The following TRAPPC8 variants were observed in gnomAD, a reference collection of about 807,000 sequenced individuals.
TRAPPC8 encodes the protein general sporulation gene 1 homolog.
Under a neutral mutation model 174.3 loss-of-function variants are expected in TRAPPC8, and 54 were observed. The ratio of observed to expected loss-of-function variants is 0.31; its 90% confidence interval spans 0.25 to 0.39. The LOEUF (loss-of-function observed/expected upper bound fraction) is 0.39. TRAPPC8 is among the 10% of genes least tolerant of loss of function. TRAPPC8 has a pLI of 1.00. For missense variants in TRAPPC8, 1,531 were observed against 1,699.1 expected (o/e 0.90, Z 1.74); for synonymous variants, 630 against 579.9 (o/e 1.09, Z -1.24).
intron 5 of TRAPPC8, among the ~76,000 whole-genome samples, chr18:31,910,229 A>G (rs889967588): frequency 1.4e-4 from 21 of 152,102 alleles, no homozygotes; most frequent in Non-Finnish European, 2.8e-4. Context: ...GTTTTAGAAA[A>G]ATATCTAACG....
chr18:31,855,640 T>C lies in TRAPPC8; in HGVS notation c.3336+20A>G. Reference sequence around the variant, plus strand: ...CTTCAAATATAATTAAAAACAAAATTCAGTTTTAAACCAACTTACAGTATT... The same window carrying C: ...CTTCAAATATAATTAAAAACAAAATCCAGTTTTAAACCAACTTACAGTATT... On this transcript the variant is annotated intron_variant, in intron 21 of 28. Coordinates refer to ENST00000283351, the MANE Select transcript of TRAPPC8 (RefSeq NM_014939.5). The C allele has an allele frequency of 6.4e-7, 1 of 1,573,740 alleles. No homozygotes were observed. The highest frequency in any genetic ancestry group is 1.2e-5 in the South Asian group (1 of 84,244).
intron 2 of TRAPPC8, among the ~76,000 whole-genome samples, chr18:31,923,270 CAA>C (rs1224147838): frequency 6.6e-6 from 1 of 152,020 alleles, no homozygotes; most frequent in African/African-American, 2.4e-5. Context: ...GGGAAAAATA[CAA>C]AACAGTACCT....
At chr18:31,885,955 T>C (rs1598671276) in intron 12 of TRAPPC8, among the ~76,000 whole-genome samples, 1 of 151,888 alleles carries the variant, frequency 6.6e-6, no homozygotes, top group East Asian at 1.9e-4. Context: ...AAAGAAAAAT[T>C]TCTGAACGGC....
intron 12 of TRAPPC8, among the ~76,000 whole-genome samples, chr18:31,886,888 G>A (rs2035743488): frequency 6.6e-6 from 1 of 152,126 alleles, no homozygotes; most frequent in Non-Finnish European, 1.5e-5. Context: ...GGCCGAGGCA[G>A]GAGAATCACT....
At chr18:31,889,808 T>C (rs370540291) in intron 12 of TRAPPC8, among the ~76,000 whole-genome samples, 5 of 152,336 alleles carry the variant, frequency 3.3e-5, no homozygotes, top group African/African-American at 9.6e-5. Flanking sequence ...TTTGAAATGT[T>C]GGTTTTAAAA....
intron 11 of TRAPPC8, among the ~76,000 whole-genome samples, chr18:31,893,607 C>G (rs1290900580): frequency 6.6e-6 from 1 of 152,098 alleles, no homozygotes. Flanking sequence ...TATTTAAATT[C>G]TCATTCCAGC....
At chr18:31,921,471 G>A (rs2037385670) in intron 2 of TRAPPC8, among the ~76,000 whole-genome samples, 1 of 151,996 alleles carries the variant, frequency 6.6e-6, no homozygotes, top group African/African-American at 2.4e-5. Flanking sequence ...AAATTATCTG[G>A]GTGGGCGGGG....
chr18:31,926,469 T>C (rs548248494), intron 2 of TRAPPC8: 3 of 99,112 alleles, frequency 3.0e-5, no homozygotes, highest in Admixed American at 8.6e-5. Context: ...ATGTTTTGTT[T>C]TGGTTTTTTT....
chr18:31,881,058 A>C (rs2145278720), intron 12 of TRAPPC8, among the ~76,000 whole-genome samples: 1 of 152,234 alleles, frequency 6.6e-6, no homozygotes, highest in Middle Eastern at 3.4e-3. Flanking sequence ...AGTTAAAATA[A>C]CTATATTGCC....
intron 12 of TRAPPC8, among the ~76,000 whole-genome samples, chr18:31,885,856 A>T (rs2035683308): frequency 6.6e-6 from 1 of 151,384 alleles, no homozygotes; most frequent in Admixed American, 6.6e-5. Flanking sequence ...GCAAAACTCC[A>T]TCTCAAAAAA....
chr18:31,861,244 C>T (rs1382948391), intron 19 of TRAPPC8, among the ~76,000 whole-genome samples: 6 of 152,206 alleles, frequency 3.9e-5, no homozygotes, highest in Non-Finnish European at 2.9e-5. Context: ...TTTCATCAAC[C>T]AAACACCATT....
intron 10 of TRAPPC8, among the ~76,000 whole-genome samples, chr18:31,900,204 C>T (rs537839353): frequency 6.6e-6 from 1 of 152,122 alleles, no homozygotes; most frequent in Admixed American, 6.5e-5. Flanking sequence ...ACTGCACTCC[C>T]GCCTGGACGA....
intron 15 of TRAPPC8, among the ~76,000 whole-genome samples, 191 bp from the exon 16 acceptor site, chr18:31,870,693 A>T (rs889640304): frequency 6.6e-6 from 1 of 152,104 alleles, no homozygotes; most frequent in African/African-American, 2.4e-5. Context: ...AGATTTCCCC[A>T]ATTTCTCTGT....
At chr18:31,938,245 GA>G (rs1234157135) in intron 1 of TRAPPC8, among the ~76,000 whole-genome samples, 3 of 151,896 alleles carry the variant, frequency 2.0e-5, no homozygotes, top group Admixed American at 6.6e-5. Context: ...ATGGCCAGTG[GA>G]AATTCTTTGA....
chr18:31,922,963 G>T (rs1372285181), intron 2 of TRAPPC8, among the ~76,000 whole-genome samples: 1 of 152,182 alleles, frequency 6.6e-6, no homozygotes, highest in Admixed American at 6.5e-5. Flanking sequence ...GTTGCAGTAA[G>T]CCAAGAGAGA....
At chr18:31,878,978 A>T (rs929219081) in intron 12 of TRAPPC8, among the ~76,000 whole-genome samples, 7 of 152,316 alleles carry the variant, frequency 4.6e-5, no homozygotes, top group African/African-American at 1.7e-4. Flanking sequence ...AATTTATAAA[A>T]CAAATACTAC....
intron 12 of TRAPPC8, among the ~76,000 whole-genome samples, chr18:31,882,670 G>C (rs1189737992): frequency 6.6e-6 from 1 of 151,880 alleles, no homozygotes; most frequent in African/African-American, 2.4e-5. Flanking sequence ...AGGTTGGAGT[G>C]AAGTGGCACG....
At position 31,940,854 on chromosome 18, in the gene TRAPPC8, C is replaced by G. The variant is rs191804771; in HGVS notation, c.157+1754G>C. The stretch of plus-strand genomic sequence containing the variant: ...TATATTTCAATTAGACAGCACTGCT[C>G]TATGGTGTAAATACATAATTCTAAA... On this transcript the variant is annotated intron_variant, in intron 1 of 28. Transcript: ENST00000283351. Among the ~76,000 whole-genome samples the G allele has an allele frequency of 1.7e-3, 257 of 152,258 alleles. 1 individual carries two copies. Among genetic ancestry groups the G allele is most frequent in the African/African-American group, 5.0e-3 (207 of 41,560 alleles).
Position 31,892,143 on chromosome 18 carries a change from T to A in TRAPPC8, c.1597-1277A>T, listed in dbSNP as rs190407072. Among the ~76,000 whole-genome samples, 405 of 152,310 alleles carry A rather than the reference T, an allele frequency of 2.7e-3. 2 individuals carry two copies. The highest frequency in any genetic ancestry group is 8.8e-3 in the African/African-American group (366 of 41,572). ...AATTATTAATACAAACTAATTTTTT[T>A]AAAAAGAATACATGTTTGAAGAAAA... is the stretch of plus-strand genomic sequence containing the variant. On this transcript the variant is annotated intron_variant, in intron 11 of 28. Transcript: ENST00000283351.
Sources: gnomAD v4.1 joint callset for allele counts (sites outside exome capture counted in the v4.1 genomes callset) on GRCh38, gnomAD v4.1.1 for gene constraint, MANE v1.5 for transcripts, NCBI Gene and HGNC (gene_info 2026-07-23, HGNC 2026-07-21) for gene names.